SCUBE2: variants seen among roughly 807,000 people sequenced by gnomAD.
SCUBE2 encodes the protein signal peptide, CUB domain and EGF like domain containing 2.
Under a neutral mutation model 125.9 loss-of-function variants are expected in SCUBE2, and 114 were observed. The ratio of observed to expected loss-of-function variants is 0.91; its 90% CI spans 0.78 to 1.06. SCUBE2 has a LOEUF of 1.06. Ranked by LOEUF, SCUBE2 falls within the 50% of genes least tolerant of loss-of-function variation. The pLI, the probability that SCUBE2 is intolerant of heterozygous loss-of-function variation, is 0.00. For missense variants in SCUBE2, 1,255 were observed against 1,301.8 expected (o/e 0.96, Z 0.55); for synonymous variants, 459 against 492.9 (o/e 0.93, Z 0.91).
rs11822377 is a variant in SCUBE2 at position 9,060,582 on chromosome 11, C to T, written c.851-58G>A. ...CCCAAAGAAGTGCTGATACAGCTGA[C>T]GAAGGTCACAGAAGCCAAGAAGCAT... On this transcript the variant is annotated intron_variant, in intron 7 of 22. Transcript: ENST00000649792. 1.3e-4 allele frequency: 188 copies of T among 1,448,002 alleles called. No individual in the cohort carries two copies. The African/African-American group carries it at 2.0e-3, about 16-fold the overall frequency. The allele number at this position is 1,448,002 out of a possible 1,614,324, so 89.7% of individuals were successfully genotyped here.
chr11:9,048,896 C>G (rs900229713), intron 14 of SCUBE2, among the ~76,000 whole-genome samples: 1 of 152,182 alleles, frequency 6.6e-6, no homozygotes, highest in Non-Finnish European at 1.5e-5. Flanking sequence ...CAAGGACATT[C>G]AAGCCATAGG....
chr11:9,049,817 TA>T (rs1326017607), intron 14 of SCUBE2: 2 of 152,212 alleles, frequency 1.3e-5, no homozygotes, highest in East Asian at 3.8e-4. Flanking sequence ...CCTGTGTCAT[TA>T]AACATTCTTT....
intron 9 of SCUBE2, among the ~76,000 whole-genome samples, chr11:9,057,065 C>T (rs1275655177): frequency 6.6e-6 from 1 of 152,158 alleles, no homozygotes; most frequent in African/African-American, 2.4e-5. Context: ...ATGAGAAAAA[C>T]CTAGTTTCTT....
chr11:9,047,179 G>A (rs868765937), intron 16 of SCUBE2, among the ~76,000 whole-genome samples, 177 bp downstream of exon 16: 1 of 147,908 alleles, frequency 6.8e-6, no homozygotes, highest in Non-Finnish European at 1.5e-5. Context: ...GGGGAGCTCT[G>A]GGCCTAGCAG....
In SCUBE2 at chr11:9,020,439, T is replaced by G. The variant is rs1855208587; in HGVS notation, c.*606A>C. ...TTTATTTCTAATTCTTTCTGCTTTT[T>G]TTTTTCACGAGCACTGCTTAGAACT... On this transcript the variant is annotated 3_prime_UTR_variant, in exon 23 of 23. Coordinates refer to ENST00000649792, the MANE Select transcript of SCUBE2 (RefSeq NM_001367977.2). The G allele has an allele frequency of 6.6e-6, 1 of 152,064 alleles. No individual in the cohort carries two copies. Among genetic ancestry groups the G allele is most frequent in the Non-Finnish European group, 1.5e-5 (1 of 67,996 alleles). The allele number at this position is 152,064 out of a possible 1,614,324, so 9.4% of individuals were successfully genotyped here. A position where few individuals can be genotyped will look rare whatever the true frequency, so the allele number is the denominator to read the frequency against.
intron 2 of SCUBE2, among the ~76,000 whole-genome samples, chr11:9,081,343 C>CCTCTTCCCT (rs1861625716): frequency 6.6e-6 from 1 of 152,128 alleles, no homozygotes; most frequent in Non-Finnish European, 1.5e-5. Flanking sequence ...CTCCTCATTT[C>CCTCTTCCCT]CTCTTCCCTC....
chr11:9,027,649 G>T, intron 19 of SCUBE2, 88 bp from the exon 20 acceptor site: 1 of 1,134,716 alleles, frequency 8.8e-7, no homozygotes, highest in Non-Finnish European at 1.3e-6. Flanking sequence ...CAGCACCCCT[G>T]TTGCCACCCA....
At chr11:9,047,805 T>C in intron 15 of SCUBE2, 138 bp downstream of exon 15, 2 of 1,108,094 alleles carry the variant, frequency 1.8e-6, no homozygotes, top group Non-Finnish European at 2.6e-6. Flanking sequence ...CAATTCAGTT[T>C]AGTTTCGGGG....
chr11:9,024,102 T>G, intron 21 of SCUBE2: 3 of 519,706 alleles, frequency 5.8e-6, no homozygotes, highest in Non-Finnish European at 7.5e-6. Context: ...CAAGACTCAC[T>G]CTCGTGGGCA....
At chr11:9,052,709 T>C in intron 13 of SCUBE2, 37 bp downstream of exon 13, 5 of 1,448,266 alleles carry the variant, frequency 3.5e-6, no homozygotes, top group Non-Finnish European at 4.7e-6. Context: ...TTGAACACAG[T>C]GAGCCCCCAG....
At chr11:9,056,719 G>C (rs935285760) in intron 9 of SCUBE2, among the ~76,000 whole-genome samples, 1 of 152,130 alleles carries the variant, frequency 6.6e-6, no homozygotes, top group Non-Finnish European at 1.5e-5. Flanking sequence ...CTTTCTTGTA[G>C]GCTGGAATTT....
intron 12 of SCUBE2, 90 bp from the exon 13 acceptor site, chr11:9,052,922 A>G (rs1858568337): frequency 9.0e-7 from 1 of 1,110,334 alleles, no homozygotes; most frequent in Non-Finnish European, 1.3e-6. Context: ...CCCACTCCAC[A>G]TGGGCCACTA....
chr11:9,076,852 G>C (rs1163820733), intron 3 of SCUBE2, among the ~76,000 whole-genome samples: 1 of 152,170 alleles, frequency 6.6e-6, no homozygotes, highest in Admixed American at 6.5e-5. Flanking sequence ...TATGCCAAAG[G>C]GTGAAGGAAG....
chr11:9,075,361 A>C (rs541622388), intron 3 of SCUBE2, among the ~76,000 whole-genome samples: 1 of 152,334 alleles, frequency 6.6e-6, no homozygotes, highest in African/African-American at 2.4e-5. Context: ...AGGATAAGCT[A>C]ATAAAAGATG....
intron 21 of SCUBE2, 22 bp downstream of exon 21, chr11:9,025,680 A>T (rs775733414): frequency 1.9e-6 from 3 of 1,612,982 alleles, no homozygotes; most frequent in Non-Finnish European, 2.5e-6. Context: ...CGCTCTTTCC[A>T]TGTGCTGCAG....
rs375321875 is a variant in SCUBE2, at chr11:9,036,579, G to T, written c.2003-2783C>A. Among the ~76,000 whole-genome samples the T allele has an allele frequency of 9.3e-4, 142 of 152,302 alleles. 3 individuals carry two copies. The South Asian group carries it at 0.028, about 30-fold the overall frequency. The stretch of plus-strand genomic sequence containing the variant: ...GCTGTTTTTACAATACTCATCCACG[G>T]AAGGGAAAGTGCCGATATGGTGACA... On this transcript the variant is annotated intron_variant, in intron 16 of 22. Coordinates refer to ENST00000649792, the MANE Select transcript of SCUBE2 (RefSeq NM_001367977.2).
chr11:9,054,997 G>T (rs911852579), intron 10 of SCUBE2, among the ~76,000 whole-genome samples: 2 of 151,794 alleles, frequency 1.3e-5, no homozygotes, highest in Non-Finnish European at 2.9e-5. Context: ...GCCTCCCAAA[G>T]TTCTGGGATT....
chr11:9,052,129 T>C (rs926578592), intron 13 of SCUBE2, among the ~76,000 whole-genome samples: 1 of 152,262 alleles, frequency 6.6e-6, no homozygotes, highest in Non-Finnish European at 1.5e-5. Flanking sequence ...TCGTGTACTA[T>C]GGTAGCTGGC....
At chr11:9,075,826 C>A (rs564831770) in intron 3 of SCUBE2, among the ~76,000 whole-genome samples, 1 of 152,204 alleles carries the variant, frequency 6.6e-6, no homozygotes, top group Non-Finnish European at 1.5e-5. Context: ...GAAGACTGGG[C>A]GGACAAGGTG....
Sources: gnomAD v4.1 joint callset for allele counts (sites outside exome capture counted in the v4.1 genomes callset) on GRCh38, gnomAD v4.1.1 for gene constraint, MANE v1.5 for transcripts, NCBI Gene and HGNC (gene_info 2026-07-23, HGNC 2026-07-21) for gene names.